The following LEMD2 variants were observed in gnomAD, a reference collection of about 807,000 sequenced individuals.
LEMD2 encodes LEM domain-containing protein 2.
LEMD2 carries 34 observed loss-of-function variants against 58.8 expected under a neutral mutation model. The ratio of observed to expected loss-of-function variants is 0.58; its 90% CI spans 0.44 to 0.77. The LOEUF (loss-of-function observed/expected upper bound fraction) is 0.77, where lower values mean the gene tolerates loss of function less well. Ranked by LOEUF, LEMD2 falls within the 30% of genes least tolerant of loss-of-function variation. LEMD2 has a pLI of 0.00. For missense variants in LEMD2, 629 were observed against 717.9 expected (o/e 0.88, Z 1.42); for synonymous variants, 298 against 308.9 (o/e 0.96, Z 0.37).
Position 33,788,765 on chromosome 6 carries a change from G to T in LEMD2, c.352C>A (p.Arg118Ser). 6.9e-7 allele frequency: 1 copy of T among 1,448,962 alleles called. No homozygotes were observed. The highest frequency in any genetic ancestry group is 9.1e-7 in the Non-Finnish European group (1 of 1,102,596). 89.8% of individuals were successfully genotyped at this position (1,448,962 alleles called of 1,614,324 possible). ...RPSAASWVGS[R>S]GLAYPARPAQ... Reference sequence around the variant, plus strand: ...GGGCGGGCAGGATAGGCGAGGCCGCGGCTCCCTACCCAGGAAGCCGCGGAG... The same window carrying T: ...GGGCGGGCAGGATAGGCGAGGCCGCTGCTCCCTACCCAGGAAGCCGCGGAG... Residue 118 changes from arginine (R) to serine (S), a missense_variant, in exon 1 of 9, where the codon CGC becomes AGC. Physicochemically the swap from Arg to Ser is moderately radical, Grantham distance 110. Transcript: ENST00000293760.
intron 8 of LEMD2, among the ~76,000 whole-genome samples, chr6:33,773,189 C>T (rs1767344130): frequency 6.6e-6 from 1 of 152,176 alleles, no homozygotes; most frequent in Non-Finnish European, 1.5e-5. Context: ...TGGGCTGTTT[C>T]ATCTAAGCTC....
At position 33,788,997 on chromosome 6, in the gene LEMD2, G is replaced by A; in HGVS notation, c.120C>T (p.Gly40=). 3 of 1,549,304 alleles carry A rather than the reference G, an allele frequency of 1.9e-6. No individual in the cohort carries two copies. The highest frequency in any genetic ancestry group is 1.9e-5 in the Admixed American group (1 of 52,124). The change falls in exon 1 of 9, where the codon GGC becomes GGT. Residue 40 remains glycine, a synonymous_variant. Transcript: ENST00000293760. ...GCTCCTCGTCGCGCAGCCGGGCCTC[G>A]CCCCGCAGGCGGCGCAGCTTGTTGC... is the stretch of plus-strand genomic sequence containing the variant. ...VYRNKLRRLR[G]EARLRDEERL... is the part of the protein sequence containing the mutation.
chr6:33,778,490 G>C lies in LEMD2; in HGVS notation c.1011-103C>G, dbSNP rs1454821604. The C allele has an allele frequency of 1.1e-6, 1 of 908,884 alleles. No homozygotes were observed. Among genetic ancestry groups the C allele is most frequent in the Non-Finnish European group, 1.6e-6 (1 of 632,498 alleles). 56.3% of individuals were successfully genotyped at this position (908,884 alleles called of 1,614,324 possible). ...GAAGCGAAGGAAAGTGGGGACGCAAGGCCTCTACTTGCTTATAGAATAGGC... is the reference window on the plus strand; with the variant it reads ...GAAGCGAAGGAAAGTGGGGACGCAACGCCTCTACTTGCTTATAGAATAGGC... On this transcript the variant is annotated intron_variant, in intron 5 of 8. Coordinates refer to ENST00000293760, the MANE Select transcript of LEMD2 (RefSeq NM_181336.4). This position sits in a 1 kb window ranked among gnomAD's most constrained non-coding sequence, Gnocchi z 4.7.
In LEMD2 at chr6:33,788,730, G is replaced by C. The variant is rs1350086061; in HGVS notation, c.387C>G (p.Leu129=). ...TGCCCCGGACCGAGGCGCGGCGCCT[G>C]AGTTGCGCCGGGCGGGCAGGATAGG... ...GLAYPARPAQ[L]RRRASVRGSS... is the part of the protein sequence containing the mutation. Residue 129 remains leucine, a synonymous_variant, in exon 1 of 9, where the codon CTC becomes CTG. Coordinates refer to ENST00000293760, the MANE Select transcript of LEMD2 (RefSeq NM_181336.4). 8 of 1,428,426 alleles carry C rather than the reference G, an allele frequency of 5.6e-6. No individual in the cohort carries two copies. Among genetic ancestry groups the C allele is most frequent in the African/African-American group, 1.5e-5 (1 of 67,372 alleles). 88.5% of individuals were successfully genotyped at this position (1,428,426 alleles called of 1,614,324 possible).
intron 1 of LEMD2, chr6:33,787,099 G>C: frequency 3.0e-6 from 1 of 336,174 alleles, no homozygotes; most frequent in African/African-American, 2.1e-5. Flanking sequence ...GCTTAACTCA[G>C]GGAGTTAGGC....
intron 5 of LEMD2, chr6:33,779,454 C>G (rs546871824): frequency 1.4e-3 from 215 of 152,248 alleles, no homozygotes; most frequent in Non-Finnish European, 2.5e-3. Flanking sequence ...CAGAGACCCC[C>G]ACAAACACCG....
rs1248527694 is a variant in LEMD2 at position 33,772,598 on chromosome 6, G to A, written c.*30C>T. 1 of 1,601,888 alleles carries A rather than the reference G, an allele frequency of 6.2e-7. No homozygotes were observed. The highest frequency in any genetic ancestry group is 2.2e-5 in the East Asian group (1 of 44,804). On this transcript the variant is annotated 3_prime_UTR_variant, in exon 9 of 9. Coordinates refer to ENST00000293760, the MANE Select transcript of LEMD2 (RefSeq NM_181336.4). ...TCTGGAGTGGGCTGTCCTGGGACAG[G>A]CTGACCGGGAACAAGTCCCCGCCCG...
At chr6:33,787,823 T>G (rs993878173) in intron 1 of LEMD2, among the ~76,000 whole-genome samples, 10 of 152,198 alleles carry the variant, frequency 6.6e-5, no homozygotes, top group Non-Finnish European at 1.5e-5. Context: ...GGGCCTCCAG[T>G]TGCGATCAGT....
intron 6 of LEMD2, among the ~76,000 whole-genome samples, chr6:33,777,470 C>T (rs771475234): frequency 1.5e-4 from 23 of 152,262 alleles, no homozygotes; most frequent in Admixed American, 3.3e-4. Context: ...ACAGCGGCAT[C>T]CCCAGCCGTC....
chr6:33,777,157 C>G lies in LEMD2; in HGVS notation c.1239G>C (p.Glu413Asp), dbSNP rs1767450554. 1 of 1,614,186 alleles carries G rather than the reference C, an allele frequency of 6.2e-7. No individual in the cohort carries two copies. Among genetic ancestry groups the G allele is most frequent in the Non-Finnish European group, 8.5e-7 (1 of 1,179,990 alleles). Residue 413 changes from glutamate to aspartate, a missense_variant, in exon 7 of 9, where the codon GAG becomes GAC. Glu to Asp is a conservative substitution (Grantham distance 45, BLOSUM62 2). Coordinates refer to ENST00000293760, the MANE Select transcript of LEMD2 (RefSeq NM_181336.4). ...KLEEEEQAMY[E>D]MVKKIIDVVQ... is the part of the protein sequence containing the mutation. ...ACGCACCTATAATCTTCTTCACCATCTCATACATGGCTTGTTCCTCCTCTT... is the reference window on the plus strand; with the variant it reads ...ACGCACCTATAATCTTCTTCACCATGTCATACATGGCTTGTTCCTCCTCTT...
intron 8 of LEMD2, chr6:33,776,680 G>A (rs935928639): frequency 4.3e-6 from 2 of 468,446 alleles, no homozygotes; most frequent in Non-Finnish European, 7.9e-6. Context: ...GCTATTACTT[G>A]GAGCCCAAGG....
intron 8 of LEMD2, among the ~76,000 whole-genome samples, chr6:33,775,701 A>C (rs976946314): frequency 6.6e-6 from 1 of 152,160 alleles, no homozygotes; most frequent in Non-Finnish European, 1.5e-5. Flanking sequence ...TGGTGGCGGG[A>C]GCACGGAAAT....
In LEMD2 at chr6:33,776,971, C is replaced by G; in HGVS notation, c.1344G>C (p.Leu448Phe). Residue 448 changes from leucine to phenylalanine, a missense_variant, in exon 8 of 9, where the codon TTG becomes TTC. Physicochemically the swap from Leu to Phe is conservative, Grantham distance 22. Transcript: ENST00000293760. The stretch of plus-strand genomic sequence containing the variant: ...GGACTCACCGGCTCTGTGGAGGGAT[C>G]AAGCTGTCGCGCACGTGCAGGATGC... ...YVGILHVRDS[L>F]IPPQSRRRMK... 1 of 1,613,720 alleles carries G rather than the reference C, an allele frequency of 6.2e-7. No homozygotes were observed. Among genetic ancestry groups the G allele is most frequent in the Non-Finnish European group, 8.5e-7 (1 of 1,179,998 alleles).
At chr6:33,787,648 AAC>A (rs1358880620) in intron 1 of LEMD2, among the ~76,000 whole-genome samples, 1 of 152,230 alleles carries the variant, frequency 6.6e-6, no homozygotes, top group Non-Finnish European at 1.5e-5. Context: ...CCTTTCAGAA[AAC>A]ACACAATCCT....
At chr6:33,782,907 C>T (rs1455188815) in intron 3 of LEMD2, among the ~76,000 whole-genome samples, 2 of 152,264 alleles carry the variant, frequency 1.3e-5, no homozygotes, top group African/African-American at 2.4e-5. Flanking sequence ...AAGGCGGCCC[C>T]CCAGGCTTGT....
chr6:33,788,852 G>A lies in LEMD2; in HGVS notation c.265C>T (p.Leu89Phe). 7.2e-7 allele frequency: 1 copy of A among 1,393,148 alleles called. No individual in the cohort carries two copies. The highest frequency in any genetic ancestry group is 9.3e-7 in the Non-Finnish European group (1 of 1,080,180). 86.3% of individuals were successfully genotyped at this position (1,393,148 alleles called of 1,614,324 possible). A position where few individuals can be genotyped will look rare whatever the true frequency, so the allele number is the denominator to read the frequency against. Residue 89 changes from leucine to phenylalanine, a missense_variant, in exon 1 of 9, where the codon CTC (leucine) becomes TTC (phenylalanine). By Grantham distance (22) the Leu-to-Phe change is conservative. Coordinates refer to ENST00000293760, the MANE Select transcript of LEMD2 (RefSeq NM_181336.4). ...AAASPRAEPWLSQPASGSAYA... is the reference protein window; with the variant it reads ...AAASPRAEPWFSQPASGSAYA... ...GCCGAGCCCGAGGCCGGCTGGGAGAGCCAGGGCTCCGCCCGCGGAGAGGCC... is the reference window on the plus strand; with the variant it reads ...GCCGAGCCCGAGGCCGGCTGGGAGAACCAGGGCTCCGCCCGCGGAGAGGCC...
chr6:33,776,656 TG>T, intron 8 of LEMD2: 2 of 423,284 alleles, frequency 4.7e-6, no homozygotes, highest in East Asian at 4.6e-5. Context: ...ACTTGTGCCC[TG>T]GGGGAGGGAG....
At position 33,772,248 on chromosome 6, in the gene LEMD2, C is replaced by T. The variant is rs2296743; in HGVS notation, c.*380G>A. On this transcript the variant is annotated 3_prime_UTR_variant, in exon 9 of 9. Transcript: ENST00000293760. ...CATCCCGCCACCCGAAACACCATCC[C>T]TGCCCCACCTCCCAGGTGACAGACT... 0.34 allele frequency: 58,203 copies of T among 172,768 alleles called. 11,124 individuals carry two copies. The highest frequency in any genetic ancestry group is 0.75 in the East Asian group (4,288 of 5,720). The allele number at this position is 172,768 out of a possible 1,614,324, so 10.7% of individuals were successfully genotyped here.
In LEMD2 at chr6:33,788,769, C is replaced by T. The variant is rs772279663; in HGVS notation, c.348G>A (p.Gly116=). ...GGGCAGGATAGGCGAGGCCGCGGCT[C>T]CCTACCCAGGAAGCCGCGGAGGGCC... ...DIRPSAASWV[G]SRGLAYPARP... The change falls in exon 1 of 9, where the codon GGG becomes GGA. Residue 116 remains glycine (G), a synonymous_variant. Coordinates refer to ENST00000293760, the MANE Select transcript of LEMD2 (RefSeq NM_181336.4). 1 of 1,451,730 alleles carries T rather than the reference C, an allele frequency of 6.9e-7. No individual in the cohort carries two copies. Among genetic ancestry groups the T allele is most frequent in the Non-Finnish European group, 9.1e-7 (1 of 1,104,278 alleles). The allele number at this position is 1,451,730 out of a possible 1,614,324, so 89.9% of individuals were successfully genotyped here.
Sources: allele counts gnomAD v4.1 joint callset (sites outside exome capture counted in the v4.1 genomes callset), GRCh38; gene constraint gnomAD v4.1.1; non-coding constraint Gnocchi (gnomAD v3.1); transcripts MANE v1.5; gene names NCBI Gene and HGNC (gene_info 2026-07-23, HGNC 2026-07-21).